Variants in CENPW observed in about 807,000 individuals in gnomAD.
CENPW encodes the protein cancer-up-regulated gene 2 protein.
In CENPW, 3 loss-of-function variants were observed where a neutral mutation model predicts 11.1. The ratio of observed to expected loss-of-function variants is 0.27; its 90% CI spans 0.12 to 0.70. The LOEUF (loss-of-function observed/expected upper bound fraction) is 0.70, where lower values mean the gene tolerates loss of function less well. CENPW is among the 30% of genes least tolerant of loss of function. The probability of loss-of-function intolerance (pLI) is 0.77; values close to 1 mark genes in which losing one functional copy is unlikely to be tolerated. For missense variants in CENPW, 100 were observed against 105.6 expected (o/e 0.95, Z 0.23); for synonymous variants, 38 against 42.0 (o/e 0.91, Z 0.37).
At chr6:126,438,976 A>G in the CENPW span, among the ~76,000 whole-genome samples, 2 of 151,916 alleles carry the variant, frequency 1.3e-5, no homozygotes, top group Middle Eastern at 6.8e-3. Flanking sequence ...AAAAGAGTAT[A>G]CATTGGTAAT....
chr6:126,407,929 G>A, the CENPW span, among the ~76,000 whole-genome samples: 3 of 152,072 alleles, frequency 2.0e-5, no homozygotes, highest in African/African-American at 7.2e-5. Flanking sequence ...AAGTTCTTTA[G>A]TTTAATTAGA....
chr6:126,462,297 T>C, the CENPW span, among the ~76,000 whole-genome samples: 1 of 151,956 alleles, frequency 6.6e-6, no homozygotes, highest in African/African-American at 2.4e-5. Flanking sequence ...CCACTTTACT[T>C]ATGTAACTTA....
At chr6:126,358,336 A>C in the CENPW span, among the ~76,000 whole-genome samples, 3 of 152,074 alleles carry the variant, frequency 2.0e-5, no homozygotes, top group Non-Finnish European at 4.4e-5. Context: ...GATGTTGGCT[A>C]TGGGTTTGTC....
At chr6:126,476,150 T>G in the CENPW span, among the ~76,000 whole-genome samples, 1 of 151,924 alleles carries the variant, frequency 6.6e-6, no homozygotes, top group South Asian at 2.1e-4. Flanking sequence ...TTCTACCTAG[T>G]AGAATTATGT....
chr6:126,353,175 G>A (rs553983226), downstream of CENPW, among the ~76,000 whole-genome samples: 5 of 149,586 alleles, frequency 3.3e-5, no homozygotes, highest in East Asian at 1.9e-4. Context: ...CACATTTACC[G>A]TTTTCTTTGC....
chr6:126,455,618 G>A, the CENPW span, among the ~76,000 whole-genome samples: 3 of 151,392 alleles, frequency 2.0e-5, no homozygotes, highest in Admixed American at 1.3e-4. Flanking sequence ...GTATCATACT[G>A]AGTGGGGAAA....
At chr6:126,368,264 A>T in the CENPW span, among the ~76,000 whole-genome samples, 1 of 152,216 alleles carries the variant, frequency 6.6e-6, no homozygotes. Context: ...TTTTTATCTT[A>T]TTGACTTGTA....
At chr6:126,375,342 C>T in the CENPW span, among the ~76,000 whole-genome samples, 1 of 152,260 alleles carries the variant, frequency 6.6e-6, no homozygotes, top group African/African-American at 2.4e-5. Flanking sequence ...GAAGGGAAGG[C>T]ATTTGAATGT....
chr6:126,408,931 G>C, the CENPW span, among the ~76,000 whole-genome samples: 18 of 151,106 alleles, frequency 1.2e-4, no homozygotes, highest in South Asian at 2.1e-4. Flanking sequence ...TCATTTTCTT[G>C]ATCTTTTTTT....
chr6:126,448,048 T>C, the CENPW span, among the ~76,000 whole-genome samples: 5 of 151,386 alleles, frequency 3.3e-5, no homozygotes, highest in South Asian at 6.2e-4. Context: ...ATGTTCACTA[T>C]AATTATCAGC....
At chr6:126,418,829 G>T in the CENPW span, among the ~76,000 whole-genome samples, 2 of 150,388 alleles carry the variant, frequency 1.3e-5, no homozygotes, top group African/African-American at 4.9e-5. Context: ...ACTATCGCAA[G>T]GACAAAAAGC....
chr6:126,351,644 C>T (rs552639829), downstream of CENPW, among the ~76,000 whole-genome samples: 1 of 152,154 alleles, frequency 6.6e-6, no homozygotes, highest in East Asian at 1.9e-4. Context: ...TTAGTTTCCC[C>T]ATGTGTACAT....
At chr6:126,415,825 A>G in the CENPW span, among the ~76,000 whole-genome samples, 1 of 152,230 alleles carries the variant, frequency 6.6e-6, no homozygotes, top group Non-Finnish European at 1.5e-5. Context: ...CTGTCGGTCC[A>G]ATAAACCTCA....
the CENPW span, among the ~76,000 whole-genome samples, chr6:126,456,194 T>A: frequency 6.6e-6 from 1 of 151,146 alleles, no homozygotes; most frequent in African/African-American, 2.4e-5. Context: ...TTCACATAAT[T>A]AGTAAAAACT....
At chr6:126,371,436 A>G in the CENPW span, among the ~76,000 whole-genome samples, 1 of 152,208 alleles carries the variant, frequency 6.6e-6, no homozygotes. Flanking sequence ...CTGATATGAA[A>G]CCCAGTTGAT....
chr6:126,380,661 A>G, the CENPW span, among the ~76,000 whole-genome samples: 1 of 152,174 alleles, frequency 6.6e-6, no homozygotes, highest in African/African-American at 2.4e-5. Context: ...CAAAATAAAA[A>G]TATTTTATTT....
the CENPW span, among the ~76,000 whole-genome samples, chr6:126,465,823 A>G: frequency 6.6e-6 from 1 of 152,110 alleles, no homozygotes; most frequent in Non-Finnish European, 1.5e-5. Flanking sequence ...GGTGAAAATG[A>G]TTCTAGATTG....
chr6:126,376,677 AGTC>A, the CENPW span, among the ~76,000 whole-genome samples: 1 of 152,198 alleles, frequency 6.6e-6, no homozygotes, highest in African/African-American at 2.4e-5. Context: ...TTCTGTGGCT[AGTC>A]ACAAATCATG....
chr6:126,403,606 G>T, the CENPW span, among the ~76,000 whole-genome samples: 2 of 152,054 alleles, frequency 1.3e-5, no homozygotes, highest in Non-Finnish European at 2.9e-5. Context: ...ACTAGCATAG[G>T]TTGATTCATG....
Sources: gnomAD v4.1 joint callset for allele counts (sites outside exome capture counted in the v4.1 genomes callset) on GRCh38, gnomAD v4.1.1 for gene constraint, MANE v1.5 for transcripts, NCBI Gene and HGNC (gene_info 2026-07-23, HGNC 2026-07-21) for gene names.